AVP: variants seen among roughly 807,000 people sequenced by gnomAD.
AVP encodes arginine vasopressin, also known as vasopressin-neurophysin 2-copeptin.
A neutral mutation model predicts 11.1 loss-of-function variants in AVP; 9 were observed. The ratio of observed to expected loss-of-function variants is 0.81; its 90% CI spans 0.49 to 1.42. The LOEUF is 1.42. AVP is among the 40% of genes most tolerant of loss of function. The pLI is 0.00. For missense variants in AVP, 206 were observed against 238.5 expected (o/e 0.86, Z 0.90); for synonymous variants, 106 against 111.3 (o/e 0.95, Z 0.30).
chr20:3,082,863 G>A lies in AVP; in HGVS notation c.323-61C>T. On this transcript the variant is annotated intron_variant, in intron 2 of 2. Transcript: ENST00000380293. This position sits in a 1 kb window ranked among gnomAD's most constrained non-coding sequence, Gnocchi z 4.7. ...GCGGGCGCAGCTCGGGGTGCGGGGG[G>A]CCCACACCCTCCCTGCCGGGCCCGA... is the stretch of plus-strand genomic sequence containing the variant. 6 of 1,223,706 alleles carry A rather than the reference G, an allele frequency of 4.9e-6. No individual in the cohort carries two copies. The highest frequency in any genetic ancestry group is 3.2e-4 in the Middle Eastern group (1 of 3,104). The allele number at this position is 1,223,706 out of a possible 1,614,324, so 75.8% of individuals were successfully genotyped here.
Position 3,082,653 on chromosome 20 carries a change from G to C in AVP, c.472C>G (p.Pro158Ala). The change falls in exon 3 of 3, where the codon CCC (proline) becomes GCC (alanine). Residue 158 changes from proline (P) to alanine (A), a missense_variant. This residue lies in a region of AVP where 106 missense variants were observed against 89.2 expected (regional missense o/e 1.19). Coordinates refer to ENST00000380293, the MANE Select transcript of AVP (RefSeq NM_000490.5). The surrounding 1 kb of genome is among the most constrained non-coding windows in gnomAD (Gnocchi z 4.7). ...GCTCAGTAGGCGTCGGGCTGGGCGG[G>C]CTCGAAGGGCTCGGGCGCCCCGGCC... ...QLAGAPEPFE[P>A]AQPDAY The C allele has an allele frequency of 7.8e-7, 1 of 1,280,140 alleles. No homozygotes were observed. Among genetic ancestry groups the C allele is most frequent in the Non-Finnish European group, 9.8e-7 (1 of 1,017,602 alleles). The allele number at this position is 1,280,140 out of a possible 1,614,324, so 79.3% of individuals were successfully genotyped here.
At chr20:3,084,194 T>C (rs2066126004) in intron 1 of AVP, among the ~76,000 whole-genome samples, 1 of 152,166 alleles carries the variant, frequency 6.6e-6, no homozygotes, top group Non-Finnish European at 1.5e-5. Flanking sequence ...GAGCCTCTGC[T>C]GCCCCAGCCA....
chr20:3,082,757 C>T lies in AVP; in HGVS notation c.368G>A (p.Arg123His), dbSNP rs932588483. Residue 123 changes from arginine to histidine, a missense_variant, in exon 3 of 3, where the codon CGC becomes CAC. Physicochemically the swap from Arg to His is conservative, Grantham distance 29 (BLOSUM62 0). Transcript: ENST00000380293. The surrounding 1 kb of genome is among the most constrained non-coding windows in gnomAD (Gnocchi z 4.7). ...EPECREGFHR[R>H]ARASDRSNAT... ...GTTGCTCCGGTCGCTGGCGCGGGCGCGGCGGTGAAAGCCCTCGCGGCACTC... is the reference window on the plus strand; with the variant it reads ...GTTGCTCCGGTCGCTGGCGCGGGCGTGGCGGTGAAAGCCCTCGCGGCACTC... 2.4e-6 allele frequency: 3 copies of T among 1,272,488 alleles called. No individual in the cohort carries two copies. In the Admixed American group the frequency reaches 1.2e-4, roughly 52 times the overall value. The allele number at this position is 1,272,488 out of a possible 1,614,324, so 78.8% of individuals were successfully genotyped here. A position where few individuals can be genotyped will look rare whatever the true frequency, so the allele number is the denominator to read the frequency against.
In AVP at chr20:3,083,041, C is replaced by T; in HGVS notation, c.258G>A (p.Gln86=). 6.4e-7 allele frequency: 1 copy of T among 1,560,058 alleles called. No homozygotes were observed. Among genetic ancestry groups the T allele is most frequent in the Non-Finnish European group, 8.6e-7 (1 of 1,163,574 alleles). ...CGCTCCCGCACGCCTTCTGGCCGGA[C>T]TGGCAGGGCGACGGCAGGTAGTTCT... ...QEENYLPSPC[Q]SGQKACGSGG... is the part of the protein sequence containing the mutation. Residue 86 remains glutamine (Q), a synonymous_variant, in exon 2 of 3, where the codon CAG becomes CAA. Transcript: ENST00000380293. This position sits in a 1 kb window ranked among gnomAD's most constrained non-coding sequence, Gnocchi z 5.4.
At chr20:3,084,241 C>T (rs750849922) in intron 1 of AVP, among the ~76,000 whole-genome samples, 10 of 152,180 alleles carry the variant, frequency 6.6e-5, no homozygotes, top group Non-Finnish European at 1.3e-4. Context: ...CAGGGGAGGC[C>T]ATGATGCCCC....
rs1347976106 is a variant in AVP at position 3,083,422 on chromosome 20, C to T, written c.121-244G>A. On this transcript the variant is annotated intron_variant, in intron 1 of 2. Transcript: ENST00000380293. The surrounding 1 kb of genome is among the most constrained non-coding windows in gnomAD (Gnocchi z 5.4). ...CGGTGACAGCCCTCAGCGTCCTCAC[C>T]CTCAGCTAGGGACGGGTCTCCCGTG... 7.9e-5 allele frequency among the ~76,000 whole-genome samples: 12 copies of T among 152,150 alleles called. No homozygotes were observed. The highest frequency in any genetic ancestry group is 1.5e-5 in the Non-Finnish European group (1 of 68,026).
At position 3,082,589 on chromosome 20, in the gene AVP, G is replaced by A. The variant is rs986119822; in HGVS notation, c.*41C>T. 5 of 1,241,988 alleles carry A rather than the reference G, an allele frequency of 4.0e-6. No homozygotes were observed. In the South Asian group the frequency reaches 1.0e-4, roughly 25 times the overall value. The allele number at this position is 1,241,988 out of a possible 1,614,324, so 76.9% of individuals were successfully genotyped here. A position where few individuals can be genotyped will look rare whatever the true frequency, so the allele number is the denominator to read the frequency against. On this transcript the variant is annotated 3_prime_UTR_variant, in exon 3 of 3. Transcript: ENST00000380293. The surrounding 1 kb of genome is among the most constrained non-coding windows in gnomAD (Gnocchi z 4.7). ...CGGAGGTTTATTGTCCGTGCTGCAG[G>A]GGCGGGCGCGAAGAGCGCGCCGGTG...
chr20:3,082,889 C>T lies in AVP; in HGVS notation c.323-87G>A. ...CCCACACCCTCCCTGCCGGGCCCGA[C>T]GCAGCCCCCACCCCGCCGCAGGCCC... On this transcript the variant is annotated intron_variant, in intron 2 of 2. Coordinates refer to ENST00000380293, the MANE Select transcript of AVP (RefSeq NM_000490.5). This position sits in a 1 kb window ranked among gnomAD's most constrained non-coding sequence, Gnocchi z 4.7. The T allele has an allele frequency of 8.2e-6, 10 of 1,219,340 alleles. No individual in the cohort carries two copies. Among genetic ancestry groups the T allele is most frequent in the Non-Finnish European group, 8.2e-6 (8 of 978,792 alleles). The allele number at this position is 1,219,340 out of a possible 1,614,324, so 75.5% of individuals were successfully genotyped here.
chr20:3,082,638 C>G lies in AVP; in HGVS notation c.487G>C (p.Ala163Pro). Residue 163 changes from alanine (A) to proline (P), a missense_variant, in exon 3 of 3, where the codon GCC becomes CCC. By Grantham distance (27) the Ala-to-Pro change is conservative (BLOSUM62 -1). Coordinates refer to ENST00000380293, the MANE Select transcript of AVP (RefSeq NM_000490.5). The surrounding 1 kb of genome is among the most constrained non-coding windows in gnomAD (Gnocchi z 4.7). ...TGGGGCGAGCGCGGGGCTCAGTAGG[C>G]GTCGGGCTGGGCGGGCTCGAAGGGC... ...PEPFEPAQPD[A>P]Y 7.9e-7 allele frequency: 1 copy of G among 1,269,412 alleles called. No individual in the cohort carries two copies. The highest frequency in any genetic ancestry group is 9.9e-7 in the Non-Finnish European group (1 of 1,011,440). 78.6% of individuals were successfully genotyped at this position (1,269,412 alleles called of 1,614,324 possible).
rs778573997 is a variant in AVP, at chr20:3,084,692, G to A, written c.-18C>T. On this transcript the variant is annotated 5_prime_UTR_variant, in exon 1 of 3. Transcript: ENST00000380293. ...TCAGGCATCCTGGTGCACACAGGTG[G>A]ACCCCGTATGCAGCACTGCTTGGTG... 2 of 1,612,512 alleles carry A rather than the reference G, an allele frequency of 1.2e-6. No individual in the cohort carries two copies. Among genetic ancestry groups the A allele is most frequent in the East Asian group, 4.5e-5 (2 of 44,874 alleles).
Position 3,082,973 on chromosome 20 carries a change from G to A in AVP, c.322+4C>T. 4 of 1,000,910 alleles carry A rather than the reference G, an allele frequency of 4.0e-6. No homozygotes were observed. Among genetic ancestry groups the A allele is most frequent in the Admixed American group, 3.1e-5 (1 of 32,040 alleles). The allele number at this position is 1,000,910 out of a possible 1,614,324, so 62.0% of individuals were successfully genotyped here. A position where few individuals can be genotyped will look rare whatever the true frequency, so the allele number is the denominator to read the frequency against. ...CCAGCCCCAGGCCCGCCCCCGCCGC[G>A]CACCGTCGTTGCAGCAAACGCCGAA... On this transcript the variant is annotated splice_donor_region_variant and intron_variant, in intron 2 of 2. Transcript: ENST00000380293. This position sits in a 1 kb window ranked among gnomAD's most constrained non-coding sequence, Gnocchi z 4.7.
At chr20:3,084,136 T>G (rs2066125705) in intron 1 of AVP, among the ~76,000 whole-genome samples, 1 of 152,144 alleles carries the variant, frequency 6.6e-6, no homozygotes, top group South Asian at 2.1e-4. Flanking sequence ...CGCCTGTGGC[T>G]GGGAGGCTGG....
chr20:3,083,255 G>A lies in AVP; in HGVS notation c.121-77C>T. The A allele has an allele frequency of 1.5e-6, 2 of 1,340,524 alleles. No individual in the cohort carries two copies. Among genetic ancestry groups the A allele is most frequent in the South Asian group, 1.7e-5 (1 of 59,084 alleles). The allele number at this position is 1,340,524 out of a possible 1,614,324, so 83.0% of individuals were successfully genotyped here. A position where few individuals can be genotyped will look rare whatever the true frequency, so the allele number is the denominator to read the frequency against. ...TTGGAGGGGAACGCAGCGAGGCGGG[G>A]ATGCTGGGGTCCAGGGCTCGGAGTG... On this transcript the variant is annotated intron_variant, in intron 1 of 2. Coordinates refer to ENST00000380293, the MANE Select transcript of AVP (RefSeq NM_000490.5). The surrounding 1 kb of genome is among the most constrained non-coding windows in gnomAD (Gnocchi z 5.4).
At chr20:3,084,181 A>C (rs1171750668) in intron 1 of AVP, among the ~76,000 whole-genome samples, 1 of 152,134 alleles carries the variant, frequency 6.6e-6, no homozygotes, top group Non-Finnish European at 1.5e-5. Context: ...GCTAGGTAGG[A>C]TGGAGCCTCT....
At position 3,082,885 on chromosome 20, in the gene AVP, C is replaced by T. The variant is rs1239588818; in HGVS notation, c.323-83G>A. On this transcript the variant is annotated intron_variant, in intron 2 of 2. Coordinates refer to ENST00000380293, the MANE Select transcript of AVP (RefSeq NM_000490.5). This position sits in a 1 kb window ranked among gnomAD's most constrained non-coding sequence, Gnocchi z 4.7. ...GGGGCCCACACCCTCCCTGCCGGGC[C>T]CGACGCAGCCCCCACCCCGCCGCAG... The T allele has an allele frequency of 8.2e-6, 10 of 1,223,016 alleles. No homozygotes were observed. The highest frequency in any genetic ancestry group is 1.0e-5 in the Non-Finnish European group (10 of 983,376). 75.8% of individuals were successfully genotyped at this position (1,223,016 alleles called of 1,614,324 possible).
chr20:3,084,568 A>G lies in AVP; in HGVS notation c.107T>C (p.Leu36Pro). 2 of 1,613,978 alleles carry G rather than the reference A, an allele frequency of 1.2e-6. No homozygotes were observed. The highest frequency in any genetic ancestry group is 1.7e-6 in the Non-Finnish European group (2 of 1,180,036). The part of the protein sequence containing the change: ...PRGGKRAMSD[L>P]ELRQCLPCGP... ...AGTGGGAAGTACCTGTCTCAGCTCC[A>G]GGTCGGACATGGCCCTCTTGCCGCC... The change falls in exon 1 of 3, where the codon CTG (leucine) becomes CCG (proline). Residue 36 changes from leucine to proline, a missense_variant. Leu to Pro is a moderately conservative substitution (Grantham distance 98). Coordinates refer to ENST00000380293, the MANE Select transcript of AVP (RefSeq NM_000490.5).
At position 3,082,990 on chromosome 20, in the gene AVP, A is replaced by G; in HGVS notation, c.309T>C (p.Val103=). ...GSGGRCAAFG[V]CCNDESCVTE... ...CCCGCCGCGCACCGTCGTTGCAGCA[A>G]ACGCCGAAGGCGGCGCAGCGGCCCC... Residue 103 remains valine, a synonymous_variant, in exon 2 of 3, where the codon GTT becomes GTC. Transcript: ENST00000380293. This position sits in a 1 kb window ranked among gnomAD's most constrained non-coding sequence, Gnocchi z 4.7. 6.8e-7 allele frequency: 1 copy of G among 1,476,086 alleles called. No individual in the cohort carries two copies. The highest frequency in any genetic ancestry group is 8.9e-7 in the Non-Finnish European group (1 of 1,118,292). 91.4% of individuals were successfully genotyped at this position (1,476,086 alleles called of 1,614,324 possible).
rs1409851076 is a variant in AVP at position 3,082,670 on chromosome 20, GC to G, written c.454del (p.Ala152ArgfsTer?). 7.8e-7 allele frequency: 1 copy of G among 1,283,896 alleles called. No individual in the cohort carries two copies. Among genetic ancestry groups the G allele is most frequent in the South Asian group, 2.6e-5 (1 of 38,462 alleles). The allele number at this position is 1,283,896 out of a possible 1,614,324, so 79.5% of individuals were successfully genotyped here. A position where few individuals can be genotyped will look rare whatever the true frequency, so the allele number is the denominator to read the frequency against. Reference sequence around the variant, plus strand: ...CTGGGCGGGCTCGAAGGGCTCGGGCGCCCCGGCCAGCTGCACCAGCCGCAGC... The same window carrying G: ...CTGGGCGGGCTCGAAGGGCTCGGGCGCCCGGCCAGCTGCACCAGCCGCAGC... ...LLLRLVQLAG[A>X]PEPFEPAQPD... On this transcript the variant is annotated frameshift_variant, in exon 3 of 3. Transcript: ENST00000380293. LOFTEE classifies it high-confidence loss of function. This position sits in a 1 kb window ranked among gnomAD's most constrained non-coding sequence, Gnocchi z 4.7.
Position 3,082,943 on chromosome 20 carries a change from C to CG in AVP, c.322+33_322+34insC. On this transcript the variant is annotated intron_variant, in intron 2 of 2. Coordinates refer to ENST00000380293, the MANE Select transcript of AVP (RefSeq NM_000490.5). This position sits in a 1 kb window ranked among gnomAD's most constrained non-coding sequence, Gnocchi z 4.7. Reference sequence around the variant, plus strand: ...TCCCCCCCACCCAAGCGGTCTGCGCCCCCCCCAGCCCCAGGCCCGCCCCCG... The same window carrying CG: ...TCCCCCCCACCCAAGCGGTCTGCGCCGCCCCCCAGCCCCAGGCCCGCCCCCG... 8.2e-7 allele frequency: 1 copy of CG among 1,225,138 alleles called. No homozygotes were observed. Among genetic ancestry groups the CG allele is most frequent in the African/African-American group, 1.7e-5 (1 of 58,988 alleles). 75.9% of individuals were successfully genotyped at this position (1,225,138 alleles called of 1,614,324 possible).
Sources: allele counts gnomAD v4.1 joint callset (sites outside exome capture counted in the v4.1 genomes callset), GRCh38; gene constraint gnomAD v4.1.1; regional missense constraint gnomAD v4.1.1; non-coding constraint Gnocchi (gnomAD v3.1); transcripts MANE v1.5; gene names NCBI Gene and HGNC (gene_info 2026-07-23, HGNC 2026-07-21).